C17orf113: variants seen among roughly 807,000 people sequenced by gnomAD.
C17orf113 encodes chromosome 17 open reading frame 113, also known as uncharacterized protein C17orf113.
Under a neutral mutation model 11.6 loss-of-function variants are expected in C17orf113, and 5 were observed. The observed-to-expected ratio is 0.43, with a 90% CI of 0.23 to 0.91. The LOEUF (loss-of-function observed/expected upper bound fraction) is 0.91. C17orf113 is among the 40% of genes least tolerant of loss of function. The pLI, the probability that C17orf113 is intolerant of heterozygous loss-of-function variation, is 0.26. For missense variants in C17orf113, 714 were observed against 841.3 expected (o/e 0.85, Z 1.87); for synonymous variants, 327 against 390.6 (o/e 0.84, Z 1.92).
At chr17:42,049,566 T>C (rs541994777) in intron 1 of C17orf113, among the ~76,000 whole-genome samples, 42 of 152,348 alleles carry the variant, frequency 2.8e-4, no homozygotes, top group African/African-American at 1.0e-3. Context: ...AACAGCTGCC[T>C]TTGACATCCT....
intron 2 of C17orf113, 128 bp from the exon 3 acceptor site, chr17:42,041,317 T>C (rs1338624256): frequency 6.2e-6 from 5 of 812,266 alleles, no homozygotes; most frequent in Non-Finnish European, 8.3e-6. Context: ...GGACTAATCC[T>C]GGCTTTGCCA....
At position 42,043,168 on chromosome 17, in the gene C17orf113, TTGTC is replaced by T. The variant is rs2143674064; in HGVS notation, c.205_208del (p.Asp69ThrfsTer11). 1.6e-6 allele frequency: 2 copies of T among 1,232,188 alleles called. No homozygotes were observed. Among genetic ancestry groups the T allele is most frequent in the Admixed American group, 4.2e-5 (1 of 23,716 alleles). 76.3% of individuals were successfully genotyped at this position (1,232,188 alleles called of 1,614,324 possible). A position where few individuals can be genotyped will look rare whatever the true frequency, so the allele number is the denominator to read the frequency against. On this transcript the variant is annotated frameshift_variant, in exon 2 of 3. Transcript: ENST00000587304. LOFTEE classifies it high-confidence loss of function. Reference sequence around the variant, plus strand: ...GCGCAGCAGGGCGTGGCGCTGGAAGTTGTCTGTGCCCACAGTGAAGGCGTTTTCG... The same window carrying T: ...GCGCAGCAGGGCGTGGCGCTGGAAGTTGTGCCCACAGTGAAGGCGTTTTCG...
rs1322721708 is a variant in C17orf113, at chr17:42,039,020, GC to G, written c.*684del. ...AATCCCAGCATTTTGGGAGGCCGAG[GC>G]AGGTGGATCACTTGAGGTCAGGAGT... On this transcript the variant is annotated 3_prime_UTR_variant, in exon 3 of 3. Coordinates refer to ENST00000587304, the MANE Select transcript of C17orf113 (RefSeq NM_001358661.2). 2.0e-5 allele frequency: 3 copies of G among 152,246 alleles called. No homozygotes were observed. Among genetic ancestry groups the G allele is most frequent in the Non-Finnish European group, 4.4e-5 (3 of 68,112 alleles). 9.4% of individuals were successfully genotyped at this position (152,246 alleles called of 1,614,324 possible).
At chr17:42,049,357 C>A (rs1278469116) in intron 1 of C17orf113, among the ~76,000 whole-genome samples, 2 of 152,040 alleles carry the variant, frequency 1.3e-5, no homozygotes, top group African/African-American at 4.8e-5. Context: ...TTGCTTCATC[C>A]TCTCTCCACC....
chr17:42,042,692 C>G, intron 2 of C17orf113, 142 bp downstream of exon 2: 1 of 585,156 alleles, frequency 1.7e-6, no homozygotes. Flanking sequence ...GACATAGGCT[C>G]TCAGGGAAGG....
rs2052932088 is a variant in C17orf113 at position 42,038,887 on chromosome 17, A to T, written c.*818T>A. On this transcript the variant is annotated 3_prime_UTR_variant, in exon 3 of 3. Coordinates refer to ENST00000587304, the MANE Select transcript of C17orf113 (RefSeq NM_001358661.2). ...CAGAGAGGACACTGTGCTGTGTGTC[A>T]GAAACAAGCACGGTCATCTACTCCC... The T allele has an allele frequency of 6.6e-6, 1 of 152,288 alleles. No individual in the cohort carries two copies. Among genetic ancestry groups the T allele is most frequent in the African/African-American group, 2.4e-5 (1 of 41,462 alleles). 9.4% of individuals were successfully genotyped at this position (152,288 alleles called of 1,614,324 possible). A position where few individuals can be genotyped will look rare whatever the true frequency, so the allele number is the denominator to read the frequency against.
At chr17:42,048,467 C>T (rs2053216132) in intron 1 of C17orf113, among the ~76,000 whole-genome samples, 1 of 152,054 alleles carries the variant, frequency 6.6e-6, no homozygotes, top group Non-Finnish European at 1.5e-5. Context: ...ATCACTTGAG[C>T]CCGAGTTTGA....
rs563342680 is a variant in C17orf113, at chr17:42,042,183, G to A, written c.543+651C>T. Among the ~76,000 whole-genome samples, 15 of 152,120 alleles carry A rather than the reference G, an allele frequency of 9.9e-5. No individual in the cohort carries two copies. The South Asian group carries it at 2.7e-3, about 27-fold the overall frequency. ...GGCCAGGAGCCCAAGACCAGCCTGG[G>A]CAACATAATGAGACCCCATCTCTAT... is the stretch of plus-strand genomic sequence containing the variant. On this transcript the variant is annotated intron_variant, in intron 2 of 2. Transcript: ENST00000587304.
chr17:42,044,490 C>T (rs1374619083), intron 1 of C17orf113, among the ~76,000 whole-genome samples: 2 of 151,682 alleles, frequency 1.3e-5, no homozygotes, highest in African/African-American at 2.4e-5. Flanking sequence ...GTGGCACATG[C>T]CTGTAATCCC....
In C17orf113 at chr17:42,039,862, C is replaced by T. The variant is rs1555655906; in HGVS notation, c.1871G>A (p.Arg624Gln). 8.1e-7 allele frequency: 1 copy of T among 1,231,614 alleles called. No individual in the cohort carries two copies. Among genetic ancestry groups the T allele is most frequent in the Non-Finnish European group, 1.0e-6 (1 of 987,828 alleles). 76.3% of individuals were successfully genotyped at this position (1,231,614 alleles called of 1,614,324 possible). Residue 624 changes from arginine (R) to glutamine (Q), a missense_variant, in exon 3 of 3, where the codon CGG (arginine) becomes CAG (glutamine). Physicochemically the swap from Arg to Gln is conservative, Grantham distance 43. Coordinates refer to ENST00000587304, the MANE Select transcript of C17orf113 (RefSeq NM_001358661.2). ...CCCGGCCCCACTCTGCCCCCACCAC[C>T]GCAGCTCCCGGCTGCGGCCGACCTT... is the stretch of plus-strand genomic sequence containing the variant. ...LDKVGRSREL[R>Q]WWGQSGAGEG...
chr17:42,039,893 G>A lies in C17orf113; in HGVS notation c.1840C>T (p.Leu614=). 8.1e-7 allele frequency: 1 copy of A among 1,231,462 alleles called. No individual in the cohort carries two copies. Among genetic ancestry groups the A allele is most frequent in the Non-Finnish European group, 1.0e-6 (1 of 987,718 alleles). The allele number at this position is 1,231,462 out of a possible 1,614,324, so 76.3% of individuals were successfully genotyped here. Residue 614 remains leucine, a synonymous_variant, in exon 3 of 3, where the codon CTG becomes TTG. Coordinates refer to ENST00000587304, the MANE Select transcript of C17orf113 (RefSeq NM_001358661.2). ...TCCCGGCTGCGGCCGACCTTGTCCA[G>A]CAGGCCAGCGCCCGCGGGCAGCGCC... ...ALALPAGAGL[L]DKVGRSRELR...
intron 1 of C17orf113, among the ~76,000 whole-genome samples, chr17:42,048,589 C>T (rs1453332939): frequency 6.6e-6 from 1 of 152,094 alleles, no homozygotes; most frequent in East Asian, 1.9e-4. Flanking sequence ...TCCCAATCAT[C>T]CCTGTCTCAG....
chr17:42,047,802 C>A (rs2053198596), intron 1 of C17orf113, among the ~76,000 whole-genome samples: 1 of 151,794 alleles, frequency 6.6e-6, no homozygotes, highest in African/African-American at 2.4e-5. Flanking sequence ...TACAGGCGCG[C>A]ACCACCATGC....
Position 42,043,322 on chromosome 17 carries a change from A to C in C17orf113, c.55T>G (p.Cys19Gly). ...AGEASNSNKK[C>G]KRYFNEHWKE... ...CAGTGCTCGTTGAAGTAACGCTTACACTTCTTGTTGGAGTTGGAGGCCTCT... is the reference window on the plus strand; with the variant it reads ...CAGTGCTCGTTGAAGTAACGCTTACCCTTCTTGTTGGAGTTGGAGGCCTCT... The change falls in exon 2 of 3, where the codon TGT (cysteine) becomes GGT (glycine). Residue 19 changes from cysteine to glycine, a missense_variant. This residue lies in a region of C17orf113 where 516 missense variants were observed against 626.6 expected (regional missense o/e 0.82). Transcript: ENST00000587304. 1 of 1,232,206 alleles carries C rather than the reference A, an allele frequency of 8.1e-7. No homozygotes were observed. Among genetic ancestry groups the C allele is most frequent in the African/African-American group, 1.5e-5 (1 of 64,546 alleles). 76.3% of individuals were successfully genotyped at this position (1,232,206 alleles called of 1,614,324 possible).
At chr17:42,041,247 C>G in intron 2 of C17orf113, 58 bp from the exon 3 acceptor site, 1 of 1,224,948 alleles carries the variant, frequency 8.2e-7, no homozygotes, top group Non-Finnish European at 1.0e-6. Flanking sequence ...TCCTGAGAGG[C>G]GGAGGCAGGC....
rs2143640534 is a variant in C17orf113 at position 42,040,096 on chromosome 17, C to T, written c.1637G>A (p.Arg546His). Residue 546 changes from arginine (R) to histidine (H), a missense_variant, in exon 3 of 3, where the codon CGC becomes CAC. By Grantham distance (29) the Arg-to-His change is conservative (BLOSUM62 0). Transcript: ENST00000587304. ...GCGCACCACGGCAGGAGCAAAGCCG[C>T]GCAGCAGCACCCGCAGCGCCCCCTC... Reference protein sequence around the residue: ...HGEGALRVLLRGFAPAVVRQR... With the variant: ...HGEGALRVLLHGFAPAVVRQR... 2.4e-6 allele frequency: 3 copies of T among 1,231,298 alleles called. No homozygotes were observed. Among genetic ancestry groups the T allele is most frequent in the South Asian group, 4.1e-5 (1 of 24,326 alleles). The allele number at this position is 1,231,298 out of a possible 1,614,324, so 76.3% of individuals were successfully genotyped here. A position where few individuals can be genotyped will look rare whatever the true frequency, so the allele number is the denominator to read the frequency against.
chr17:42,049,731 C>T (rs1458576237), intron 1 of C17orf113, among the ~76,000 whole-genome samples: 3 of 152,234 alleles, frequency 2.0e-5, no homozygotes, highest in Non-Finnish European at 2.9e-5. Flanking sequence ...CCTGCCCATT[C>T]TGCAGAACAA....
chr17:42,048,450 C>T (rs1461984687), intron 1 of C17orf113, among the ~76,000 whole-genome samples: 3 of 151,830 alleles, frequency 2.0e-5, no homozygotes, highest in African/African-American at 7.3e-5. Flanking sequence ...GAAGCTGAGG[C>T]AGGAGGATCA....
intron 1 of C17orf113, among the ~76,000 whole-genome samples, chr17:42,047,003 C>T (rs2143716530): frequency 6.7e-6 from 1 of 150,164 alleles, no homozygotes; most frequent in East Asian, 2.0e-4. Context: ...ACTGGGATTA[C>T]AGGCACATGC....
Sources: allele counts gnomAD v4.1 joint callset (sites outside exome capture counted in the v4.1 genomes callset), GRCh38; gene constraint gnomAD v4.1.1; regional missense constraint gnomAD v4.1.1; transcripts MANE v1.5; gene names NCBI Gene and HGNC (gene_info 2026-07-23, HGNC 2026-07-21).